The following CHL1 variants were observed in gnomAD, a reference collection of about 807,000 sequenced individuals.
CHL1 encodes neural cell adhesion molecule L1-like protein.
Under a neutral mutation model 141.9 loss-of-function variants are expected in CHL1, and 96 were observed. That is an observed-to-expected ratio of 0.68 (90% CI 0.57 to 0.80). CHL1 has a LOEUF of 0.80. Ranked by LOEUF, CHL1 falls within the 30% of genes least tolerant of loss-of-function variation. The probability of loss-of-function intolerance (pLI) is 0.00; values close to 1 mark genes in which losing one functional copy is unlikely to be tolerated. For missense variants in CHL1, 1,820 were observed against 1,457.2 expected (o/e 1.25, Z -4.05); for synonymous variants, 613 against 502.2 (o/e 1.22, Z -2.95).
At chr3:359,449 T>C (rs11129587) in intron 11 of CHL1, among the ~76,000 whole-genome samples, 61,491 of 151,716 alleles carry the variant, frequency 0.41, 12,598 homozygotes, top group South Asian at 0.48. Flanking sequence ...GTTACAGGAG[T>C]GCACCACCAC....
At chr3:339,577 G>A (rs1466665133) in intron 5 of CHL1, among the ~76,000 whole-genome samples, 1 of 152,154 alleles carries the variant, frequency 6.6e-6, no homozygotes. Context: ...AATTGCAAAG[G>A]CAGTGTAATA....
chr3:371,047 G>C (rs1575194747), intron 15 of CHL1, among the ~76,000 whole-genome samples: 1 of 152,130 alleles, frequency 6.6e-6, no homozygotes, highest in East Asian at 1.9e-4. Context: ...TTAGAATAAG[G>C]GTGATGTGGT....
intron 1 of CHL1, among the ~76,000 whole-genome samples, chr3:199,470 C>G (rs1698725717): frequency 6.6e-6 from 1 of 152,214 alleles, no homozygotes; most frequent in Admixed American, 6.5e-5. Context: ...GTCCTCCAAC[C>G]TATCTGCTGA....
At chr3:240,384 A>T (rs930176639) in intron 1 of CHL1, among the ~76,000 whole-genome samples, 2 of 152,110 alleles carry the variant, frequency 1.3e-5, no homozygotes, top group Non-Finnish European at 2.9e-5. Flanking sequence ...TTTGTTGGCC[A>T]TATGTATATC....
At chr3:355,517 G>A (rs1703633659) in intron 11 of CHL1, among the ~76,000 whole-genome samples, 1 of 152,154 alleles carries the variant, frequency 6.6e-6, no homozygotes, top group Non-Finnish European at 1.5e-5. Context: ...TCCTTGTTCA[G>A]GAAGAAGGAT....
intron 14 of CHL1, among the ~76,000 whole-genome samples, chr3:364,902 C>G (rs544407503): frequency 8.2e-4 from 125 of 152,108 alleles, no homozygotes; most frequent in African/African-American, 2.9e-3. Context: ...CTTAGCAGAG[C>G]CCTGATAGAG....
intron 2 of CHL1, among the ~76,000 whole-genome samples, chr3:263,254 T>C (rs1694885010): frequency 6.6e-6 from 1 of 152,104 alleles, no homozygotes; most frequent in Non-Finnish European, 1.5e-5. Context: ...TTGCCAGTTG[T>C]AAGAGCTAAT....
intron 9 of CHL1, among the ~76,000 whole-genome samples, chr3:347,885 C>G (rs1553580996): frequency 6.6e-6 from 1 of 152,142 alleles, no homozygotes; most frequent in Non-Finnish European, 1.5e-5. Context: ...CCAGGCTGCA[C>G]AGCACGTTAG....
Position 297,290 on chromosome 3 carries a change from T to C in CHL1, c.-94-22393T>C, listed in dbSNP as rs79648873. Among the ~76,000 whole-genome samples the C allele has an allele frequency of 9.5e-3, 1,444 of 152,070 alleles. 31 individuals are homozygous for C. Among genetic ancestry groups the C allele is most frequent in the African/African-American group, 0.033 (1,385 of 41,480 alleles). On this transcript the variant is annotated intron_variant, in intron 2 of 27. Transcript: ENST00000256509. ...AGAGAGATCATGAGAGAAAGGAACA[T>C]AGAGGGACACAGATGCAAGAACAGG...
chr3:314,687 C>A (rs1038030403), intron 2 of CHL1, among the ~76,000 whole-genome samples: 1 of 151,874 alleles, frequency 6.6e-6, no homozygotes, highest in Non-Finnish European at 1.5e-5. Context: ...CAAAATGTCT[C>A]TTATCTTCCA....
rs141752471 is a variant in CHL1 at position 294,191 on chromosome 3, C to T, written c.-94-25492C>T. Among the ~76,000 whole-genome samples, 351 of 152,114 alleles carry T rather than the reference C, an allele frequency of 2.3e-3. 2 individuals are homozygous for T. The highest frequency in any genetic ancestry group is 7.9e-3 in the African/African-American group (329 of 41,508). On this transcript the variant is annotated intron_variant, in intron 2 of 27. Coordinates refer to ENST00000256509, the MANE Select transcript of CHL1 (RefSeq NM_006614.4). ...AAAATTAGCTGGGTGTGGTGGCAGG[C>T]ACCTGCAGTCTCGGCTACTCAGGAG...
At chr3:392,826 A>G (rs1170777399) in intron 23 of CHL1, among the ~76,000 whole-genome samples, 2 of 152,242 alleles carry the variant, frequency 1.3e-5, no homozygotes, top group East Asian at 1.9e-4. Flanking sequence ...CAACGGAAGT[A>G]GACTTTAGCA....
intron 23 of CHL1, 81 bp from the exon 24 acceptor site, chr3:394,612 A>G (rs1430999659): frequency 3.0e-6 from 3 of 1,003,664 alleles, no homozygotes; most frequent in East Asian, 4.8e-5. Context: ...TACCACAAGC[A>G]TAAGGAGAAA....
Position 377,913 on chromosome 3 carries a change from C to T in CHL1, c.1847C>T (p.Ala616Val). 1 of 1,610,704 alleles carries T rather than the reference C, an allele frequency of 6.2e-7. No homozygotes were observed. The highest frequency in any genetic ancestry group is 8.5e-7 in the Non-Finnish European group (1 of 1,178,748). Residue 616 changes from alanine to valine, a missense_variant, in exon 16 of 28, where the codon GCT becomes GTT. Coordinates refer to ENST00000256509, the MANE Select transcript of CHL1 (RefSeq NM_006614.4). Reference sequence around the variant, plus strand: ...TCAGCTCATACTGCTCTAGACAGTGCTGCCGATATAACTCAAGTAACTGTT... The same window carrying T: ...TCAGCTCATACTGCTCTAGACAGTGTTGCCGATATAACTCAAGTAACTGTT... ...CCSAHTALDSAADITQVTVLD... is the reference protein window; with the variant it reads ...CCSAHTALDSVADITQVTVLD...
intron 2 of CHL1, among the ~76,000 whole-genome samples, chr3:304,927 T>C (rs542376251): frequency 6.6e-6 from 1 of 152,298 alleles, no homozygotes; most frequent in African/African-American, 2.4e-5. Flanking sequence ...AAGAAGACAC[T>C]CCTTAAATGA....
intron 5 of CHL1, among the ~76,000 whole-genome samples, chr3:332,376 T>C (rs1371399337): frequency 6.6e-6 from 1 of 152,130 alleles, no homozygotes; most frequent in East Asian, 1.9e-4. Flanking sequence ...ACAATATTCA[T>C]GGCAGTAATT....
At chr3:347,009 C>G (rs964791187) in intron 9 of CHL1, among the ~76,000 whole-genome samples, 14 of 152,090 alleles carry the variant, frequency 9.2e-5, no homozygotes, top group African/African-American at 2.9e-4. Flanking sequence ...AGGTCTATAT[C>G]TTGGCAAGAA....
At chr3:210,385 A>C (rs4685447) in intron 1 of CHL1, among the ~76,000 whole-genome samples, 9,556 of 152,284 alleles carry the variant, frequency 0.063, 339 homozygotes, top group Middle Eastern at 0.13. Flanking sequence ...CAACTGAGGT[A>C]ATATGGTGGT....
chr3:304,892 C>T (rs1158611741), intron 2 of CHL1, among the ~76,000 whole-genome samples: 1 of 152,064 alleles, frequency 6.6e-6, no homozygotes, highest in African/African-American at 2.4e-5. Context: ...CTATAAATTT[C>T]CCTCTAAACA....
Sources: gnomAD v4.1 joint callset for allele counts (sites outside exome capture counted in the v4.1 genomes callset) on GRCh38, gnomAD v4.1.1 for gene constraint, MANE v1.5 for transcripts, NCBI Gene and HGNC (gene_info 2026-07-23, HGNC 2026-07-21) for gene names.